Variants in PGR observed in about 807,000 individuals in gnomAD.
PGR encodes the protein nuclear receptor subfamily 3 group C member 3.
PGR carries 25 observed loss-of-function variants against 76.1 expected under a neutral mutation model. The observed-to-expected ratio is 0.33, with a 90% CI of 0.24 to 0.46. The LOEUF (loss-of-function observed/expected upper bound fraction) is 0.46. PGR is among the 20% of genes least tolerant of loss of function. The pLI, the probability that PGR is intolerant of heterozygous loss-of-function variation, is 1.00. For synonymous variants in PGR, 579 were observed against 535.0 expected, an observed-to-expected ratio of 1.08 and a Z score of -1.14; for missense variants, 1,172 against 1,225.3, an observed-to-expected ratio of 0.96 and a Z score of 0.65.
intron 6 of PGR, among the ~76,000 whole-genome samples, chr11:101,043,469 C>A (rs1859762384): frequency 6.6e-6 from 1 of 152,156 alleles, no homozygotes; most frequent in African/African-American, 2.4e-5. Context: ...AAATAAACTT[C>A]TTCCAAACTC....
intron 6 of PGR, among the ~76,000 whole-genome samples, chr11:101,042,493 GA>G (rs1351680864): frequency 6.6e-6 from 1 of 151,862 alleles, no homozygotes; most frequent in Non-Finnish European, 1.5e-5. Flanking sequence ...TCTTTTTAAT[GA>G]ATACTTGGAT....
intron 2 of PGR, among the ~76,000 whole-genome samples, chr11:101,108,226 G>A (rs1862236746): frequency 6.8e-6 from 1 of 146,268 alleles, no homozygotes; most frequent in South Asian, 2.2e-4. Flanking sequence ...TACACTCCTG[G>A]GAGACAGAAT....
At chr11:101,042,211 AG>A in intron 6 of PGR, 109 bp from the exon 7 acceptor site, 1 of 1,121,458 alleles carries the variant, frequency 8.9e-7, no homozygotes, top group Non-Finnish European at 1.3e-6. Flanking sequence ...ACATGACTCT[AG>A]AAAAAAAACA....
At chr11:101,114,316 ACACAAATCCAGG>A (rs1210434938) in intron 2 of PGR, among the ~76,000 whole-genome samples, 1 of 152,194 alleles carries the variant, frequency 6.6e-6, no homozygotes, top group Non-Finnish European at 1.5e-5. Flanking sequence ...TCAATATTTA[ACACAAATCCAGG>A]CACAAAACGG....
rs931820455 is a variant in PGR at position 101,102,489 on chromosome 11, G to A, written c.1790-10613C>T. Among the ~76,000 whole-genome samples the A allele has an allele frequency of 3.2e-4, 48 of 152,274 alleles. 1 individual carries two copies. The highest frequency in any genetic ancestry group is 2.8e-4 in the Non-Finnish European group (19 of 68,034). On this transcript the variant is annotated intron_variant, in intron 2 of 7. Transcript: ENST00000325455. The stretch of plus-strand genomic sequence containing the variant: ...AAGATGCATGCAGAATGAGACAAAG[G>A]TTCAGACCAGTTTTTCACGTTAGTA...
intron 3 of PGR, chr11:101,063,264 C>A (rs1308496963): frequency 6.5e-6 from 1 of 152,962 alleles, no homozygotes; most frequent in Non-Finnish European, 1.5e-5. Flanking sequence ...CCCACAAAAT[C>A]TTTTTATACA....
chr11:101,041,873 C>T, intron 7 of PGR, 72 bp downstream of exon 7: 1 of 1,329,136 alleles, frequency 7.5e-7, no homozygotes. Context: ...GTAAAATTTA[C>T]ATGTAACATT....
At position 101,062,732 on chromosome 11, in the gene PGR, T is replaced by A; in HGVS notation, c.1927A>T (p.Asn643Tyr). The A allele has an allele frequency of 6.2e-7, 1 of 1,612,072 alleles. No individual in the cohort carries two copies. Among genetic ancestry groups the A allele is most frequent in the Non-Finnish European group, 8.5e-7 (1 of 1,179,508 alleles). ...AGTGCTCTCACAACTCTGACTTTAT[T>A]GAACTTTTTAAATTTTCGACCTACA... Reference protein sequence around the residue: ...VLGGRKFKKFNKVRVVRALDA... With the variant: ...VLGGRKFKKFYKVRVVRALDA... The change falls in exon 4 of 8, where the codon AAT (asparagine) becomes TAT (tyrosine). Residue 643 changes from asparagine to tyrosine, a missense_variant. Around this residue, in one of 4 missense-constraint regions of PGR, gnomAD observed 73 missense variants for 60.7 expected, o/e 1.20. Transcript: ENST00000325455.
chr11:101,051,496 C>G lies in PGR; in HGVS notation c.2285G>C (p.Gly762Ala). Residue 762 changes from glycine (G) to alanine (A), a missense_variant, in exon 5 of 8, where the codon GGT (glycine) becomes GCT (alanine). Gly to Ala is a moderately conservative substitution (Grantham distance 60). Coordinates refer to ENST00000325455, the MANE Select transcript of PGR (RefSeq NM_000926.4). ...GTGTTTGTAGGATCTCCATCCTAGA[C>G]CAAACACCATTAAGCTCATCCAAGA... Reference protein sequence around the residue: ...QYSWMSLMVFGLGWRSYKHVS... With the variant: ...QYSWMSLMVFALGWRSYKHVS... 6.2e-7 allele frequency: 1 copy of G among 1,607,384 alleles called. No individual in the cohort carries two copies.
chr11:101,038,996 TATG>T lies in PGR; in HGVS notation c.*117_*119del. ...CAATTTTTCTTTTAAATTTACACAC[TATG>T]ATGTTATAAATGTAAGGCTTTCAGA... On this transcript the variant is annotated 3_prime_UTR_variant, in exon 8 of 8. Coordinates refer to ENST00000325455, the MANE Select transcript of PGR (RefSeq NM_000926.4). The T allele has an allele frequency of 1.4e-6, 1 of 692,474 alleles. No homozygotes were observed. The allele number at this position is 692,474 out of a possible 1,614,324, so 42.9% of individuals were successfully genotyped here.
intron 4 of PGR, 115 bp downstream of exon 4, chr11:101,062,332 A>G: frequency 3.8e-6 from 3 of 797,544 alleles, no homozygotes; most frequent in Non-Finnish European, 6.3e-6. Flanking sequence ...ATACTATCAC[A>G]TACTGTTTTA....
intron 4 of PGR, among the ~76,000 whole-genome samples, chr11:101,061,675 T>C (rs956948779): frequency 8.5e-5 from 13 of 152,194 alleles, no homozygotes; most frequent in Admixed American, 1.3e-4. Context: ...GTTCTATTTC[T>C]AATTATAGGA....
intron 6 of PGR, among the ~76,000 whole-genome samples, chr11:101,047,303 G>A (rs1859922840): frequency 6.6e-6 from 1 of 152,130 alleles, no homozygotes; most frequent in African/African-American, 2.4e-5. Context: ...AGCCAGTTTG[G>A]AAGATCTAGG....
At chr11:101,056,220 GTTTAACAAATGTTAAAAAAAAAAACAC>G (rs754041363) in intron 4 of PGR, among the ~76,000 whole-genome samples, 129 of 129,026 alleles carry the variant, frequency 1.0e-3, no homozygotes, top group Non-Finnish European at 1.7e-3. Context: ...CACTAATTGT[GTTTAACAAATGTTAAAAAAAAAAACAC>G]TTTTCCTTTT....
chr11:101,047,037 CGTAA>C (rs1373246277), intron 6 of PGR, among the ~76,000 whole-genome samples: 1 of 152,112 alleles, frequency 6.6e-6, no homozygotes, highest in Non-Finnish European at 1.5e-5. Context: ...TTGTGGAAAG[CGTAA>C]GTACTATTCA....
intron 6 of PGR, among the ~76,000 whole-genome samples, chr11:101,047,424 G>A (rs947997059): frequency 2.6e-5 from 4 of 152,212 alleles, no homozygotes; most frequent in Admixed American, 1.3e-4. Flanking sequence ...CCGGTTCCAC[G>A]TAAATATCCT....
At position 101,128,155 on chromosome 11, in the gene PGR, C is replaced by A; in HGVS notation, c.916G>T (p.Val306Leu). The change falls in exon 1 of 8, where the codon GTG becomes TTG. Residue 306 changes from valine to leucine, a missense_variant. Val to Leu is a conservative substitution (Grantham distance 32, BLOSUM62 1). Coordinates refer to ENST00000325455, the MANE Select transcript of PGR (RefSeq NM_000926.4). The stretch of plus-strand genomic sequence containing the variant: ...GCGTGATTGAGAGGCAGGATAGGCA[C>A]GTGGATGAAATCCATCACCGTGGTG... ...LATTVMDFIH[V>L]PILPLNHALL... 6.3e-7 allele frequency: 1 copy of A among 1,598,326 alleles called. No individual in the cohort carries two copies. The highest frequency in any genetic ancestry group is 1.1e-5 in the South Asian group (1 of 91,078).
chr11:101,032,158 T>C lies in PGR; in HGVS notation c.*6958A>G, dbSNP rs1859373773. 8.6e-6 allele frequency: 2 copies of C among 232,762 alleles called. No individual in the cohort carries two copies. Among genetic ancestry groups the C allele is most frequent in the South Asian group, 3.6e-4 (2 of 5,528 alleles). 14.4% of individuals were successfully genotyped at this position (232,762 alleles called of 1,614,324 possible). ...TTGACAATTTATATGGTGTATTTCA[T>C]CTCCTTTCGTCAGTCCTGTCAATGT... On this transcript the variant is annotated 3_prime_UTR_variant, in exon 8 of 8. Coordinates refer to ENST00000325455, the MANE Select transcript of PGR (RefSeq NM_000926.4).
At position 101,062,732 on chromosome 11, in the gene PGR, T is replaced by C. The variant is rs750168894; in HGVS notation, c.1927A>G (p.Asn643Asp). The change falls in exon 4 of 8, where the codon AAT (asparagine) becomes GAT (aspartate). Residue 643 changes from asparagine (N) to aspartate (D), a missense_variant. Asn to Asp is a conservative substitution (Grantham distance 23, BLOSUM62 1). Transcript: ENST00000325455. ...VLGGRKFKKFNKVRVVRALDA... is the reference protein window; with the variant it reads ...VLGGRKFKKFDKVRVVRALDA... ...AGTGCTCTCACAACTCTGACTTTAT[T>C]GAACTTTTTAAATTTTCGACCTACA... The C allele has an allele frequency of 8.1e-6, 13 of 1,611,954 alleles. No individual in the cohort carries two copies. The highest frequency in any genetic ancestry group is 1.0e-5 in the Non-Finnish European group (12 of 1,179,516).
Sources: allele counts gnomAD v4.1 joint callset (sites outside exome capture counted in the v4.1 genomes callset), GRCh38; gene constraint gnomAD v4.1.1; regional missense constraint gnomAD v4.1.1; transcripts MANE v1.5; gene names NCBI Gene and HGNC (gene_info 2026-07-23, HGNC 2026-07-21).